EDIL3: variants seen among roughly 807,000 people sequenced by gnomAD.
The protein encoded by EDIL3 is EGF-like repeat and discoidin I-like domain-containing protein 3.
A neutral mutation model predicts 67.4 loss-of-function variants in EDIL3; 37 were observed. The observed-to-expected ratio is 0.55, with a 90% CI of 0.42 to 0.72. The LOEUF is 0.72. EDIL3 is among the 30% of genes least tolerant of loss of function. EDIL3 has a pLI of 0.00. For missense variants in EDIL3, 527 were observed against 586.3 expected (o/e 0.90, Z 1.04); for synonymous variants, 195 against 196.3 (o/e 0.99, Z 0.05).
intron 6 of EDIL3, among the ~76,000 whole-genome samples, chr5:84,079,610 A>G (rs1337920099): frequency 1.3e-5 from 2 of 152,026 alleles, no homozygotes; most frequent in Admixed American, 6.6e-5. Flanking sequence ...CAATTCTCCT[A>G]CTAGGGCTTT....
At chr5:84,092,671 G>C (rs1747187955) in intron 6 of EDIL3, among the ~76,000 whole-genome samples, 1 of 151,962 alleles carries the variant, frequency 6.6e-6, no homozygotes, top group South Asian at 2.1e-4. Context: ...TAATCTTGGA[G>C]AAGATAATTT....
chr5:84,343,764 T>C (rs192504613), intron 1 of EDIL3, among the ~76,000 whole-genome samples: 77 of 152,220 alleles, frequency 5.1e-4, no homozygotes, highest in Admixed American at 4.5e-3. Flanking sequence ...TCATAGCCTC[T>C]AGCAAAGCCT....
At chr5:84,006,221 CAAG>C (rs1745412840) in intron 9 of EDIL3, among the ~76,000 whole-genome samples, 1 of 151,800 alleles carries the variant, frequency 6.6e-6, no homozygotes, top group African/African-American at 2.4e-5. Context: ...ATTCCATGCT[CAAG>C]AATAGGAAGA....
chr5:84,190,481 A>G (rs1743556062), intron 3 of EDIL3, among the ~76,000 whole-genome samples: 1 of 151,614 alleles, frequency 6.6e-6, no homozygotes, highest in Non-Finnish European at 1.5e-5. Flanking sequence ...TTCATTTTCT[A>G]CATATCAATT....
chr5:84,051,682 T>A (rs989930682), intron 9 of EDIL3, among the ~76,000 whole-genome samples: 1 of 152,176 alleles, frequency 6.6e-6, no homozygotes, highest in Non-Finnish European at 1.5e-5. Context: ...CACTAGCCGA[T>A]TTGATCAACT....
intron 3 of EDIL3, among the ~76,000 whole-genome samples, chr5:84,183,569 G>A (rs926538454): frequency 1.3e-5 from 2 of 152,002 alleles, no homozygotes; most frequent in African/African-American, 2.4e-5. Flanking sequence ...AACCAAATAC[G>A]AATTCAGAAA....
chr5:84,173,742 C>T (rs1748853257), intron 4 of EDIL3, among the ~76,000 whole-genome samples: 1 of 152,194 alleles, frequency 6.6e-6, no homozygotes, highest in African/African-American at 2.4e-5. Flanking sequence ...GGGCCATCCC[C>T]CTCCTCAGCT....
intron 10 of EDIL3, among the ~76,000 whole-genome samples, chr5:83,959,957 A>C (rs561029969): frequency 6.6e-5 from 10 of 151,066 alleles, no homozygotes; most frequent in African/African-American, 2.2e-4. Context: ...TGTTTTATAA[A>C]ATTCTTTTCT....
chr5:84,360,614 A>G (rs1561268338), intron 1 of EDIL3, among the ~76,000 whole-genome samples: 1 of 152,192 alleles, frequency 6.6e-6, no homozygotes, highest in Non-Finnish European at 1.5e-5. Flanking sequence ...TATGGTAATT[A>G]CCAAAATGAA....
At chr5:84,286,701 C>T (rs939271100) in intron 1 of EDIL3, among the ~76,000 whole-genome samples, 12 of 152,046 alleles carry the variant, frequency 7.9e-5, no homozygotes, top group African/African-American at 2.9e-4. Context: ...TAGAATAATG[C>T]AGGGTTTATT....
intron 9 of EDIL3, among the ~76,000 whole-genome samples, chr5:84,034,006 A>C (rs1213574251): frequency 6.6e-6 from 1 of 152,206 alleles, no homozygotes; most frequent in African/African-American, 2.4e-5. Flanking sequence ...CTGAGCTCAC[A>C]GGAAAAACTC....
intron 4 of EDIL3, among the ~76,000 whole-genome samples, chr5:84,179,582 T>C (rs191294581): frequency 6.6e-6 from 1 of 152,322 alleles, no homozygotes; most frequent in East Asian, 1.9e-4. Flanking sequence ...CTTAATACCA[T>C]TGTCTTACCC....
At chr5:84,348,529 G>A (rs1031863720) in intron 1 of EDIL3, among the ~76,000 whole-genome samples, 9 of 151,146 alleles carry the variant, frequency 6.0e-5, no homozygotes, top group Non-Finnish European at 7.4e-5. Flanking sequence ...GTCTCACTTT[G>A]GTTTTATGAA....
chr5:84,138,190 C>A (rs755557330), intron 4 of EDIL3, among the ~76,000 whole-genome samples: 1 of 152,172 alleles, frequency 6.6e-6, no homozygotes, highest in Non-Finnish European at 1.5e-5. Context: ...GAGCACACAC[C>A]ACTCCCCATC....
chr5:84,211,008 A>C (rs889815273), intron 3 of EDIL3, among the ~76,000 whole-genome samples: 1 of 152,156 alleles, frequency 6.6e-6, no homozygotes, highest in Non-Finnish European at 1.5e-5. Context: ...CCCGCCCCCC[A>C]ACCAAAATAT....
At position 84,242,080 on chromosome 5, in the gene EDIL3, A is replaced by G. The variant is rs555062052; in HGVS notation, c.196+12004T>C. On this transcript the variant is annotated intron_variant, in intron 2 of 10. Transcript: ENST00000296591. ...CTAAAAGTACAAAAAAAAAAAAAAA[A>G]AATTAGCCAGGCGTGGTGGTGGGCG... Among the ~76,000 whole-genome samples, 633 of 151,128 alleles carry G rather than the reference A, an allele frequency of 4.2e-3. 6 individuals carry two copies. The highest frequency in any genetic ancestry group is 0.014 in the African/African-American group (591 of 41,088).
intron 1 of EDIL3, among the ~76,000 whole-genome samples, chr5:84,365,948 G>GTTA (rs1351394861): frequency 1.3e-5 from 2 of 152,010 alleles, no homozygotes; most frequent in Non-Finnish European, 2.9e-5. Context: ...GAGGAAACAG[G>GTTA]TTATGTATAT....
chr5:84,131,126 A>T (rs1173624876), intron 5 of EDIL3, among the ~76,000 whole-genome samples: 3 of 152,110 alleles, frequency 2.0e-5, no homozygotes, highest in Non-Finnish European at 2.9e-5. Context: ...TAACTAAAAA[A>T]TCCTATGTAT....
At chr5:83,996,121 T>A (rs1441769576) in intron 9 of EDIL3, among the ~76,000 whole-genome samples, 1 of 152,168 alleles carries the variant, frequency 6.6e-6, no homozygotes, top group African/African-American at 2.4e-5. Flanking sequence ...ACTGTGGTTG[T>A]TCCTATAAGC....
Sources: gnomAD v4.1 joint callset for allele counts (sites outside exome capture counted in the v4.1 genomes callset) on GRCh38, gnomAD v4.1.1 for gene constraint, MANE v1.5 for transcripts, NCBI Gene and HGNC (gene_info 2026-07-23, HGNC 2026-07-21) for gene names.